Variants in FRMPD4 observed in about 807,000 individuals in gnomAD.
The protein encoded by FRMPD4 is FERM and PDZ domain containing 4.
FRMPD4 carries 22 observed loss-of-function variants against 94.1 expected under a neutral mutation model. The observed-to-expected ratio is 0.23, with a 90% CI of 0.17 to 0.33. The LOEUF is 0.33. Ranked by LOEUF, FRMPD4 falls within the 10% of genes least tolerant of loss-of-function variation. The pLI, the probability that FRMPD4 is intolerant of heterozygous loss-of-function variation, is 1.00. For missense variants in FRMPD4, 1,111 were observed against 1,339.9 expected (o/e 0.83, Z 2.67); for synonymous variants, 631 against 548.6 (o/e 1.15, Z -2.10).
chrX:12,088,250 C>T (rs2055126664), intron 3 of FRMPD4, among the ~76,000 whole-genome samples: 1 of 111,891 alleles, frequency 8.9e-6, no homozygotes, highest in Non-Finnish European at 1.9e-5. Flanking sequence ...GGGCTCACTT[C>T]CTGGTTCATA....
intron 1 of FRMPD4, among the ~76,000 whole-genome samples, chrX:12,182,704 G>A (rs2056375728): frequency 9.0e-6 from 1 of 110,980 alleles, no homozygotes; most frequent in Non-Finnish European, 1.9e-5. Flanking sequence ...CTGGAAAGGT[G>A]AGGAGAACTA....
At chrX:11,845,830 C>T (rs200540190) in intron 1 of FRMPD4, among the ~76,000 whole-genome samples, 1 of 108,846 alleles carries the variant, frequency 9.2e-6, no homozygotes, top group Non-Finnish European at 1.9e-5. Context: ...AATTCAACAA[C>T]CCTTCACGCT....
intron 3 of FRMPD4, among the ~76,000 whole-genome samples, chrX:11,971,875 T>G (rs2054342078): frequency 8.9e-6 from 1 of 112,566 alleles, no homozygotes; most frequent in African/African-American, 3.2e-5. Context: ...ATTACAAATA[T>G]GCCTCTTACA....
At chrX:11,836,600 A>T (rs1466032689) in intron 1 of FRMPD4, among the ~76,000 whole-genome samples, 1 of 111,728 alleles carries the variant, frequency 9.0e-6, no homozygotes, top group Non-Finnish European at 1.9e-5. Context: ...ACAAATATTT[A>T]CTGAACAACT....
chrX:12,161,685 C>T (rs908229243), intron 1 of FRMPD4, among the ~76,000 whole-genome samples: 9 of 111,790 alleles, frequency 8.1e-5, no homozygotes, highest in African/African-American at 2.9e-4. Context: ...TAGAAATTAA[C>T]GCCACTAGGA....
rs763459880 is a variant in FRMPD4, at chrX:12,504,731, A to T, written c.158+5935A>T. On this transcript the variant is annotated intron_variant, in intron 2 of 16. Transcript: ENST00000675598. ...CTCTGAAATGACTCTATCATTCCAG[A>T]TCTAATTTGGCATATGGCACAAAGA... Among the ~76,000 whole-genome samples the T allele has an allele frequency of 7.1e-5, 8 of 112,386 alleles. No homozygotes were observed. The East Asian group carries it at 2.2e-3, about 31-fold the overall frequency.
chrX:12,290,765 T>C (rs1013778127), intron 1 of FRMPD4, among the ~76,000 whole-genome samples: 2 of 111,747 alleles, frequency 1.8e-5, no homozygotes, highest in African/African-American at 6.5e-5. Flanking sequence ...ACTTTATTAA[T>C]GTAATCTGTT....
chrX:12,124,412 G>A, intron 3 of FRMPD4, among the ~76,000 whole-genome samples: 1 of 111,912 alleles, frequency 8.9e-6, no homozygotes, highest in African/African-American at 3.2e-5. Flanking sequence ...AATATCAAGG[G>A]CCTTTGAGAT....
chrX:12,109,844 C>T (rs759082900), intron 3 of FRMPD4, among the ~76,000 whole-genome samples: 9 of 111,944 alleles, frequency 8.0e-5, no homozygotes, highest in Non-Finnish European at 1.3e-4. Flanking sequence ...TTCCTGGACA[C>T]GTACATCCTC....
intron 5 of FRMPD4, among the ~76,000 whole-genome samples, chrX:12,682,313 T>A (rs1416581777): frequency 8.9e-6 from 1 of 112,317 alleles, no homozygotes; most frequent in African/African-American, 3.2e-5. Flanking sequence ...GTCACCCTAG[T>A]TGGCTTTTGT....
intron 1 of FRMPD4, among the ~76,000 whole-genome samples, chrX:12,230,548 C>G (rs1336617103): frequency 7.3e-5 from 8 of 110,104 alleles, no homozygotes; most frequent in Non-Finnish European, 1.3e-4. Context: ...CAAATTGAAC[C>G]TTTCTCAGTC....
In FRMPD4 at chrX:11,972,209, G is replaced by A. The variant is rs746495920; in HGVS notation, c.95+94191G>A. 3.1e-4 allele frequency among the ~76,000 whole-genome samples: 35 copies of A among 111,835 alleles called. No homozygotes were observed. In the South Asian group the frequency reaches 0.013, roughly 42 times the overall value. On this transcript the variant is annotated intron_variant, in intron 3 of 18. Transcript: ENST00000640291. ...TTTTTAATTTGTAACCTAAAGCATCGTGATTCACGTATGAGTTTCAATAAA... is the reference window on the plus strand; with the variant it reads ...TTTTTAATTTGTAACCTAAAGCATCATGATTCACGTATGAGTTTCAATAAA...
intron 2 of FRMPD4, among the ~76,000 whole-genome samples, chrX:12,558,945 C>A (rs948804110): frequency 3.8e-4 from 43 of 111,799 alleles, no homozygotes; most frequent in Non-Finnish European, 7.7e-4. Flanking sequence ...AAGTTCCAGG[C>A]ATGGTACTGA....
At chrX:12,235,890 G>A (rs754759408) in intron 1 of FRMPD4, among the ~76,000 whole-genome samples, 33 of 111,697 alleles carry the variant, frequency 3.0e-4, no homozygotes, top group Non-Finnish European at 5.8e-4. Context: ...GGATAATAGT[G>A]CCAACATCGT....
intron 1 of FRMPD4, among the ~76,000 whole-genome samples, chrX:12,299,692 C>T (rs2054830736): frequency 9.0e-6 from 1 of 111,599 alleles, no homozygotes; most frequent in African/African-American, 3.3e-5. Flanking sequence ...ATCAAGTATC[C>T]ATAGGTTATG....
rs200488578 is a variant in FRMPD4 at position 12,492,090 on chromosome X, CA to C, written c.42-6586del. Among the ~76,000 whole-genome samples the C allele has an allele frequency of 4.3e-3, 478 of 111,933 alleles. 4 individuals carry two copies. Among genetic ancestry groups the C allele is most frequent in the African/African-American group, 0.015 (451 of 30,899 alleles). On this transcript the variant is annotated intron_variant, in intron 1 of 16. Coordinates refer to ENST00000675598, the MANE Select transcript of FRMPD4 (RefSeq NM_001368397.1). ...AACTAAGAGATGCAAATGCACAGTA[CA>C]AAATTCAAATGTCCAATTCGGGGCA... is the stretch of plus-strand genomic sequence containing the variant.
intron 1 of FRMPD4, among the ~76,000 whole-genome samples, chrX:12,404,586 G>T (rs187007510): frequency 1.8e-5 from 2 of 111,853 alleles, no homozygotes; most frequent in African/African-American, 6.5e-5. Context: ...TTTCTCAGGC[G>T]TGATGTTGGG....
At chrX:12,243,324 A>G (rs2053904139) in intron 1 of FRMPD4, among the ~76,000 whole-genome samples, 1 of 112,715 alleles carries the variant, frequency 8.9e-6, no homozygotes, top group South Asian at 3.7e-4. Flanking sequence ...GGAAAAGACT[A>G]TCATGCTTAT....
At chrX:11,868,161 C>T (rs994405916) in intron 2 of FRMPD4, among the ~76,000 whole-genome samples, 3 of 112,255 alleles carry the variant, frequency 2.7e-5, no homozygotes, top group East Asian at 2.8e-4. Context: ...TGAAAAGATT[C>T]GATGAATGAC....
Sources: allele counts gnomAD v4.1 joint callset (sites outside exome capture counted in the v4.1 genomes callset), GRCh38; gene constraint gnomAD v4.1.1; transcripts MANE v1.5; gene names NCBI Gene and HGNC (gene_info 2026-07-23, HGNC 2026-07-21).